The following PHF14 variants were observed in gnomAD, a reference collection of about 807,000 sequenced individuals.
PHF14 encodes PHD finger protein 14.
In PHF14, 55 loss-of-function variants were observed where a neutral mutation model predicts 117.9. That is an observed-to-expected ratio of 0.47 (90% CI 0.38 to 0.58). The LOEUF is 0.58. Among genes scored for constraint, PHF14 ranks in the 20% least tolerant of loss-of-function variants. PHF14 has a pLI of 0.00. For missense variants in PHF14, 978 were observed against 1,122.2 expected (o/e 0.87, Z 1.84); for synonymous variants, 409 against 368.6 (o/e 1.11, Z -1.26).
At chr7:11,161,165 G>A (rs1447861385) in intron 17 of PHF14, among the ~76,000 whole-genome samples, 1 of 152,034 alleles carries the variant, frequency 6.6e-6, no homozygotes, top group Non-Finnish European at 1.5e-5. Flanking sequence ...TTATTGAATG[G>A]AGATATTATG....
At chr7:11,053,876 G>A (rs536814564) in intron 14 of PHF14, among the ~76,000 whole-genome samples, 1 of 151,466 alleles carries the variant, frequency 6.6e-6, no homozygotes, top group African/African-American at 2.4e-5. Flanking sequence ...CTTGTTCTTT[G>A]TCTCTAGTTT....
intron 16 of PHF14, among the ~76,000 whole-genome samples, chr7:11,069,159 C>T (rs1177544823): frequency 1.3e-5 from 2 of 152,086 alleles, no homozygotes; most frequent in Non-Finnish European, 2.9e-5. Flanking sequence ...TTGTTTCCCA[C>T]TGAACAGCAG....
At chr7:11,032,081 A>T (rs1330788221) in intron 7 of PHF14, among the ~76,000 whole-genome samples, 1 of 152,116 alleles carries the variant, frequency 6.6e-6, no homozygotes, top group Non-Finnish European at 1.5e-5. Flanking sequence ...CCTGGGCAAC[A>T]TAGCAAGACC....
intron 4 of PHF14, among the ~76,000 whole-genome samples, chr7:11,002,724 G>A (rs1452925867): frequency 2.6e-5 from 4 of 151,686 alleles, no homozygotes; most frequent in Admixed American, 6.6e-5. Flanking sequence ...GATTACAGAC[G>A]TGAGCCACCG....
chr7:11,076,098 C>T (rs1022709650), intron 16 of PHF14, among the ~76,000 whole-genome samples: 4 of 152,172 alleles, frequency 2.6e-5, no homozygotes, highest in African/African-American at 7.2e-5. Flanking sequence ...AAGATCGTGC[C>T]GCTGCACTCC....
intron 17 of PHF14, among the ~76,000 whole-genome samples, chr7:11,133,852 A>G (rs2128349329): frequency 6.6e-6 from 1 of 152,162 alleles, no homozygotes; most frequent in East Asian, 1.9e-4. Context: ...GCAGTGATAG[A>G]AAAGGAAGTT....
intron 16 of PHF14, among the ~76,000 whole-genome samples, chr7:11,080,478 T>C (rs913463182): frequency 4.6e-5 from 7 of 152,122 alleles, no homozygotes; most frequent in African/African-American, 1.7e-4. Flanking sequence ...AGTAGTTCCT[T>C]TTCACTCAAC....
intron 16 of PHF14, among the ~76,000 whole-genome samples, chr7:11,089,973 G>C (rs1288839460): frequency 6.6e-6 from 1 of 152,218 alleles, no homozygotes; most frequent in East Asian, 1.9e-4. Flanking sequence ...GTTTCTCCAT[G>C]TTGGTCAGGC....
rs1048076366 is a variant in PHF14, at chr7:11,142,687, A to T, written c.2773-26729A>T. 2.6e-5 allele frequency among the ~76,000 whole-genome samples: 4 copies of T among 152,208 alleles called. No individual in the cohort carries two copies. In the South Asian group the frequency reaches 8.3e-4, roughly 32 times the overall value. On this transcript the variant is annotated intron_variant, in intron 17 of 17. Coordinates refer to ENST00000634607, the MANE Select transcript of PHF14 (RefSeq NM_001007157.2). ...AAGATCCTGTTAGGTTTCATAGGGG[A>T]AAAAATGATGATAAGATTTTGCTTT...
At chr7:11,023,564 C>T (rs915889385) in intron 6 of PHF14, among the ~76,000 whole-genome samples, 3 of 152,176 alleles carry the variant, frequency 2.0e-5, no homozygotes, top group Admixed American at 6.5e-5. Flanking sequence ...TGGGTGCTCA[C>T]GCCTGTTATC....
intron 17 of PHF14, among the ~76,000 whole-genome samples, chr7:11,152,081 C>T (rs571021291): frequency 1.8e-4 from 28 of 152,130 alleles, no homozygotes; most frequent in Non-Finnish European, 4.0e-4. Flanking sequence ...AACTGTCAAG[C>T]TGTTTTGGAT....
chr7:11,102,972 A>G (rs1014972999), intron 16 of PHF14: 1 of 1,003,064 alleles, frequency 1.0e-6, no homozygotes, highest in African/African-American at 1.7e-5. Flanking sequence ...TTGTGATTGA[A>G]CAATACAAAT....
At chr7:11,018,908 ATG>A (rs1439523410) in intron 5 of PHF14, among the ~76,000 whole-genome samples, 1 of 152,040 alleles carries the variant, frequency 6.6e-6, no homozygotes, top group Non-Finnish European at 1.5e-5. Flanking sequence ...ATGTTGAGGT[ATG>A]TCTTTCTATC....
intron 16 of PHF14, chr7:11,063,607 T>C: frequency 1.0e-6 from 1 of 970,360 alleles, no homozygotes; most frequent in Non-Finnish European, 1.2e-6. Flanking sequence ...TTTTTTTTTT[T>C]AATATGAGAT....
Position 11,049,916 on chromosome 7 carries a change from T to C in PHF14, c.2313-1696T>C, listed in dbSNP as rs141050506. On this transcript the variant is annotated intron_variant, in intron 13 of 17. Coordinates refer to ENST00000634607, the MANE Select transcript of PHF14 (RefSeq NM_001007157.2). Reference sequence around the variant, plus strand: ...TATTTACATGAAGTGTAGCAATAGATACATAAAAGTTTTCTGAGTAATACA... The same window carrying C: ...TATTTACATGAAGTGTAGCAATAGACACATAAAAGTTTTCTGAGTAATACA... Among the ~76,000 whole-genome samples, 904 of 152,312 alleles carry C rather than the reference T, an allele frequency of 5.9e-3. 7 individuals are homozygous for C. Among genetic ancestry groups the C allele is most frequent in the African/African-American group, 0.021 (863 of 41,556 alleles).
intron 17 of PHF14, among the ~76,000 whole-genome samples, chr7:11,160,581 T>G (rs2128356768): frequency 6.6e-6 from 1 of 152,298 alleles, no homozygotes; most frequent in Admixed American, 6.5e-5. Context: ...TTTTTAATAA[T>G]AGCCATTCTG....
chr7:11,106,325 G>A (rs1444735069), intron 16 of PHF14: 1 of 978,574 alleles, frequency 1.0e-6, no homozygotes. Flanking sequence ...ATTATTGGCT[G>A]ATACAGAAGT....
intron 5 of PHF14, among the ~76,000 whole-genome samples, chr7:11,018,258 A>G (rs10231114): frequency 0.11 from 17,222 of 152,048 alleles, 1,194 homozygotes; most frequent in African/African-American, 0.2. Context: ...TATACATTTT[A>G]GGATTATTTT....
Position 11,062,086 on chromosome 7 carries a change from G to A in PHF14, c.2654+1G>A, listed in dbSNP as rs772784438. 3 of 1,604,292 alleles carry A rather than the reference G, an allele frequency of 1.9e-6. No individual in the cohort carries two copies. Among genetic ancestry groups the A allele is most frequent in the Non-Finnish European group, 2.6e-6 (3 of 1,175,378 alleles). On this transcript the variant is annotated splice_donor_variant, in intron 16 of 17. Coordinates refer to ENST00000634607, the MANE Select transcript of PHF14 (RefSeq NM_001007157.2). LOFTEE classifies it high-confidence loss of function. Reference sequence around the variant, plus strand: ...CTGGAGACAATGAAAATCTTGTCAGGTAAGTTGGATGCTAAAACCTTGTCT... The same window carrying A: ...CTGGAGACAATGAAAATCTTGTCAGATAAGTTGGATGCTAAAACCTTGTCT...
Sources: allele counts gnomAD v4.1 joint callset (sites outside exome capture counted in the v4.1 genomes callset), GRCh38; gene constraint gnomAD v4.1.1; transcripts MANE v1.5; gene names NCBI Gene and HGNC (gene_info 2026-07-23, HGNC 2026-07-21).